The following MAGI2 variants were observed in gnomAD, a reference collection of about 807,000 sequenced individuals.
MAGI2 encodes the protein membrane associated guanylate kinase, WW and PDZ domain containing 2.
A neutral mutation model predicts 133.3 loss-of-function variants in MAGI2; 35 were observed. The observed-to-expected ratio is 0.26, with a 90% CI of 0.20 to 0.35. The LOEUF is 0.35. Among genes scored for constraint, MAGI2 ranks in the 10% least tolerant of loss-of-function variants. The pLI is 1.00. For missense variants in MAGI2, 1,636 were observed against 1,863.4 expected (o/e 0.88, Z 2.25); for synonymous variants, 729 against 710.6 (o/e 1.03, Z -0.41).
chr7:79,307,625 G>A (rs1167746126), intron 1 of MAGI2, among the ~76,000 whole-genome samples: 2 of 152,114 alleles, frequency 1.3e-5, no homozygotes, highest in Non-Finnish European at 2.9e-5. Flanking sequence ...AAGAAATAAC[G>A]AGGATATGAT....
intron 1 of MAGI2, among the ~76,000 whole-genome samples, chr7:79,112,688 T>G (rs1400983425): frequency 6.6e-6 from 1 of 151,884 alleles, no homozygotes; most frequent in Non-Finnish European, 1.5e-5. Flanking sequence ...TATGTTTCTC[T>G]CTTAAATGCC....
At chr7:78,302,990 A>G (rs1239247637) in intron 9 of MAGI2, among the ~76,000 whole-genome samples, 1 of 152,162 alleles carries the variant, frequency 6.6e-6, no homozygotes, top group Non-Finnish European at 1.5e-5. Context: ...AAACAACCCT[A>G]ACTCAAACCA....
chr7:78,405,979 G>T (rs568069897), intron 6 of MAGI2, among the ~76,000 whole-genome samples: 1 of 152,016 alleles, frequency 6.6e-6, no homozygotes, highest in South Asian at 2.1e-4. Context: ...TAAAACATCA[G>T]AATTTAGTTT....
chr7:79,224,761 A>G (rs1830702919), intron 1 of MAGI2, among the ~76,000 whole-genome samples: 1 of 152,236 alleles, frequency 6.6e-6, no homozygotes, highest in African/African-American at 2.4e-5. Context: ...TAACTTGGAA[A>G]AGGCGAAATT....
chr7:78,550,756 G>GTTT (rs35785592), intron 3 of MAGI2, among the ~76,000 whole-genome samples: 1 of 147,142 alleles, frequency 6.8e-6, no homozygotes, highest in Admixed American at 6.8e-5. Flanking sequence ...CCTCTGAACA[G>GTTT]TTTTTTTTTT....
chr7:78,522,105 C>T (rs1796557776), intron 3 of MAGI2, among the ~76,000 whole-genome samples: 1 of 152,150 alleles, frequency 6.6e-6, no homozygotes, highest in South Asian at 2.1e-4. Flanking sequence ...AGGATTATGG[C>T]TATTGTCCTT....
chr7:78,996,388 A>C (rs557961984), intron 2 of MAGI2, among the ~76,000 whole-genome samples: 1 of 152,276 alleles, frequency 6.6e-6, no homozygotes, highest in South Asian at 2.1e-4. Flanking sequence ...TTAGAAGAAA[A>C]TAGCAAGCTC....
At chr7:79,039,858 T>TAC (rs1263122620) in intron 1 of MAGI2, among the ~76,000 whole-genome samples, 2 of 143,184 alleles carry the variant, frequency 1.4e-5, no homozygotes, top group Non-Finnish European at 3.0e-5. Flanking sequence ...ATATATATTA[T>TAC]ATATATATAA....
At chr7:78,609,294 C>A (rs896568717) in intron 3 of MAGI2, among the ~76,000 whole-genome samples, 1 of 152,064 alleles carries the variant, frequency 6.6e-6, no homozygotes, top group African/African-American at 2.4e-5. Flanking sequence ...CAACTTGAAG[C>A]CATATATATC....
At chr7:79,162,851 ATAAG>A (rs1051281728) in intron 1 of MAGI2, among the ~76,000 whole-genome samples, 5 of 152,104 alleles carry the variant, frequency 3.3e-5, no homozygotes, top group Admixed American at 6.6e-5. Flanking sequence ...GAAGTTAAAA[ATAAG>A]TCAGTCTTAT....
intron 2 of MAGI2, among the ~76,000 whole-genome samples, chr7:78,729,965 C>T (rs778840000): frequency 3.3e-5 from 5 of 152,056 alleles, no homozygotes; most frequent in African/African-American, 7.2e-5. Flanking sequence ...GATTTAGGCC[C>T]ACTAAAGTAA....
intron 1 of MAGI2, among the ~76,000 whole-genome samples, chr7:79,439,749 T>G (rs1848379794): frequency 6.6e-6 from 1 of 152,052 alleles, no homozygotes; most frequent in African/African-American, 2.4e-5. Context: ...GAAAGTAAAT[T>G]TATGACACAA....
chr7:78,536,756 G>T lies in MAGI2; in HGVS notation c.539-15111C>A, dbSNP rs1175264442. Among the ~76,000 whole-genome samples, 505 of 109,404 alleles carry T rather than the reference G, an allele frequency of 4.6e-3. 2 individuals are homozygous for T. Among genetic ancestry groups the T allele is most frequent in the Middle Eastern group, 0.015 (3 of 200 alleles). The allele number at this position is 109,404 out of a possible 152,430, so 71.8% of individuals were successfully genotyped here. On this transcript the variant is annotated intron_variant, in intron 3 of 21. Transcript: ENST00000354212. ...CAATAGTTTTTTTTTTGTTTTTGTT[G>T]TTGTTTTTTTTTTTTTTTTCTGGAG... is the stretch of plus-strand genomic sequence containing the variant.
chr7:79,056,894 T>A (rs945259685), intron 1 of MAGI2, among the ~76,000 whole-genome samples: 4 of 152,226 alleles, frequency 2.6e-5, no homozygotes, highest in Admixed American at 6.5e-5. Context: ...AGGTTTAAAT[T>A]CTGCCTCATA....
chr7:78,820,452 G>C (rs1323488079), intron 2 of MAGI2, among the ~76,000 whole-genome samples: 1 of 151,882 alleles, frequency 6.6e-6, no homozygotes, highest in Admixed American at 6.6e-5. Context: ...AATTAAAAAA[G>C]AGAGGAGTGA....
chr7:78,906,831 C>A (rs567864334), intron 2 of MAGI2, among the ~76,000 whole-genome samples: 1 of 152,014 alleles, frequency 6.6e-6, no homozygotes, highest in Non-Finnish European at 1.5e-5. Context: ...TGTGTATGCA[C>A]ACATATATGA....
intron 20 of MAGI2, among the ~76,000 whole-genome samples, chr7:78,086,590 C>T (rs1011445908): frequency 2.6e-5 from 4 of 151,748 alleles, no homozygotes; most frequent in African/African-American, 9.7e-5. Flanking sequence ...GTTTTCCCCT[C>T]CCCTAGCTCT....
At chr7:78,458,703 C>T (rs939741336) in intron 6 of MAGI2, among the ~76,000 whole-genome samples, 6 of 150,964 alleles carry the variant, frequency 4.0e-5, no homozygotes, top group African/African-American at 1.5e-4. Flanking sequence ...GGCACGATCT[C>T]GGCTCAGTGC....
chr7:79,445,229 C>T lies in MAGI2; in HGVS notation c.301+7791G>A, dbSNP rs1332789254. Among the ~76,000 whole-genome samples, 20 of 152,260 alleles carry T rather than the reference C, an allele frequency of 1.3e-4. No homozygotes were observed. The South Asian group carries it at 3.9e-3, about 30-fold the overall frequency. On this transcript the variant is annotated intron_variant, in intron 1 of 21. Transcript: ENST00000354212. ...TAAAAACCCTAGAAGAAAACCTAGG[C>T]AATACCATTCAGGACATAGGCAGGG...
Sources: allele counts gnomAD v4.1 joint callset (sites outside exome capture counted in the v4.1 genomes callset), GRCh38; gene constraint gnomAD v4.1.1; transcripts MANE v1.5; gene names NCBI Gene and HGNC (gene_info 2026-07-23, HGNC 2026-07-21).